Variants in HS2ST1 observed in about 807,000 individuals in gnomAD.
The protein encoded by HS2ST1 is 2-O-sulfotransferase.
A neutral mutation model predicts 42.9 loss-of-function variants in HS2ST1; 18 were observed. The observed-to-expected ratio is 0.42, with a 90% CI of 0.29 to 0.62. The LOEUF is 0.62. Among genes scored for constraint, HS2ST1 ranks in the 20% least tolerant of loss-of-function variants. The probability of loss-of-function intolerance (pLI) is 0.21; values close to 1 mark genes in which losing one functional copy is unlikely to be tolerated. For missense variants in HS2ST1, 334 were observed against 433.8 expected, an observed-to-expected ratio of 0.77 and a Z score of 2.04; for synonymous variants, 146 against 152.9, an observed-to-expected ratio of 0.95 and a Z score of 0.33.
At chr1:87,055,175 T>C (rs975122000) in intron 1 of HS2ST1, among the ~76,000 whole-genome samples, 5 of 152,136 alleles carry the variant, frequency 3.3e-5, no homozygotes, top group Admixed American at 1.3e-4. Flanking sequence ...AAGCTTGAAA[T>C]AAAGCCTTAT....
chr1:87,063,992 G>C (rs1199629738), intron 1 of HS2ST1, among the ~76,000 whole-genome samples: 2 of 152,148 alleles, frequency 1.3e-5, no homozygotes, highest in African/African-American at 4.8e-5. Context: ...TGAGATGAAA[G>C]TCCTGACCCT....
In HS2ST1 at chr1:87,097,786, T is replaced by C. The variant is rs188399987; in HGVS notation, c.589-52T>C. 255 of 1,603,594 alleles carry C rather than the reference T, an allele frequency of 1.6e-4. 3 individuals carry two copies. The African/African-American group carries it at 2.9e-3, about 18-fold the overall frequency. Reference sequence around the variant, plus strand: ...ATAATTTACCACATTAGATATTTGATAGGTGAGACTTGGATTTATGGCTTA... The same window carrying C: ...ATAATTTACCACATTAGATATTTGACAGGTGAGACTTGGATTTATGGCTTA... On this transcript the variant is annotated intron_variant, in intron 4 of 6. Transcript: ENST00000370550.
intron 1 of HS2ST1, among the ~76,000 whole-genome samples, chr1:86,969,472 A>T (rs1365094676): frequency 1.3e-5 from 2 of 152,174 alleles, no homozygotes; most frequent in African/African-American, 2.4e-5. Flanking sequence ...AATTCATTTC[A>T]GCGTGAAGGT....
At chr1:87,038,530 G>C (rs1167289682) in intron 1 of HS2ST1, among the ~76,000 whole-genome samples, 1 of 152,112 alleles carries the variant, frequency 6.6e-6, no homozygotes, top group Admixed American at 6.5e-5. Context: ...GTATGTAACA[G>C]AAGTTATTCT....
intron 1 of HS2ST1, among the ~76,000 whole-genome samples, chr1:87,022,252 G>C (rs1481616966): frequency 2.6e-5 from 4 of 152,110 alleles, no homozygotes; most frequent in Non-Finnish European, 4.4e-5. Context: ...TAATAAGGTA[G>C]CTTTCTTACC....
At chr1:87,068,895 G>A (rs1224841292) in intron 1 of HS2ST1, among the ~76,000 whole-genome samples, 1 of 151,846 alleles carries the variant, frequency 6.6e-6, no homozygotes, top group Non-Finnish European at 1.5e-5. Context: ...GTCTAGCTGG[G>A]TTGCCCAGGC....
chr1:87,041,620 A>G (rs975560486), intron 1 of HS2ST1, among the ~76,000 whole-genome samples: 3 of 152,150 alleles, frequency 2.0e-5, no homozygotes, highest in African/African-American at 7.2e-5. Context: ...CCTGGCAACC[A>G]TCATTCTACT....
At chr1:87,003,081 A>G (rs113426213) in intron 1 of HS2ST1, among the ~76,000 whole-genome samples, 4 of 152,370 alleles carry the variant, frequency 2.6e-5, no homozygotes, top group African/African-American at 9.6e-5. Flanking sequence ...CCCAGTCCAG[A>G]CTAGAAGATG....
intron 1 of HS2ST1, among the ~76,000 whole-genome samples, chr1:86,969,716 A>T (rs1255853428): frequency 6.6e-6 from 1 of 151,498 alleles, no homozygotes; most frequent in Non-Finnish European, 1.5e-5. Flanking sequence ...AGTATAAAAT[A>T]ATTTAAATAT....
chr1:87,108,931 A>G lies in HS2ST1; in HGVS notation c.*4235A>G, dbSNP rs1008021056. 6.6e-6 allele frequency: 1 copy of G among 152,522 alleles called. No individual in the cohort carries two copies. Among genetic ancestry groups the G allele is most frequent in the African/African-American group, 2.4e-5 (1 of 41,444 alleles). 9.4% of individuals were successfully genotyped at this position (152,522 alleles called of 1,614,324 possible). ...TTATTTTATAAATACACAGCTCAAC[A>G]GTGCCTTTTTTTTCCCTCATAGTCC... On this transcript the variant is annotated 3_prime_UTR_variant, in exon 7 of 7. Coordinates refer to ENST00000370550, the MANE Select transcript of HS2ST1 (RefSeq NM_012262.4).
At position 87,108,207 on chromosome 1, in the gene HS2ST1, A is replaced by G. The variant is rs955455229; in HGVS notation, c.*3511A>G. On this transcript the variant is annotated 3_prime_UTR_variant, in exon 7 of 7. Transcript: ENST00000370550. ...CAAATAATTCTAAAAGTGCTAGAGA[A>G]TTTAACTAAAAGCTGGTTCCCAAAT... The G allele has an allele frequency of 1.3e-5, 2 of 152,098 alleles. No individual in the cohort carries two copies. The highest frequency in any genetic ancestry group is 4.8e-5 in the African/African-American group (2 of 41,448). 9.4% of individuals were successfully genotyped at this position (152,098 alleles called of 1,614,324 possible). A position where few individuals can be genotyped will look rare whatever the true frequency, so the allele number is the denominator to read the frequency against.
intron 1 of HS2ST1, among the ~76,000 whole-genome samples, chr1:87,015,822 T>C (rs1191358194): frequency 1.3e-5 from 2 of 152,094 alleles, no homozygotes; most frequent in Non-Finnish European, 2.9e-5. Context: ...TCTTTTTTTT[T>C]ATTTTTATTT....
chr1:86,987,622 C>G (rs1648829177), intron 1 of HS2ST1, among the ~76,000 whole-genome samples: 1 of 152,210 alleles, frequency 6.6e-6, no homozygotes, highest in Admixed American at 6.5e-5. Flanking sequence ...TATCTTGCCT[C>G]TTCCTTGACC....
intron 1 of HS2ST1, among the ~76,000 whole-genome samples, chr1:87,009,024 T>G (rs1384245331): frequency 6.6e-6 from 1 of 152,046 alleles, no homozygotes; most frequent in East Asian, 1.9e-4. Flanking sequence ...TTGTAGTTTC[T>G]CTAGAGATGA....
intron 3 of HS2ST1, among the ~76,000 whole-genome samples, chr1:87,085,655 T>C (rs1166006257): frequency 1.3e-5 from 2 of 152,234 alleles, no homozygotes; most frequent in Non-Finnish European, 1.5e-5. Context: ...TTCATAAGCT[T>C]CGTTCATGTG....
intron 1 of HS2ST1, among the ~76,000 whole-genome samples, chr1:86,981,976 A>C (rs1230255416): frequency 2.0e-5 from 3 of 152,202 alleles, no homozygotes; most frequent in Non-Finnish European, 4.4e-5. Context: ...CTGGCCATCC[A>C]AGTGTTTCCA....
At chr1:87,101,063 C>T (rs1652184868) in intron 5 of HS2ST1, among the ~76,000 whole-genome samples, 1 of 151,040 alleles carries the variant, frequency 6.6e-6, no homozygotes, top group Admixed American at 6.6e-5. Flanking sequence ...CTCTTAGACA[C>T]AGCCAGGCCA....
intron 1 of HS2ST1, among the ~76,000 whole-genome samples, chr1:87,032,789 TA>T (rs910577475): frequency 2.6e-5 from 4 of 152,144 alleles, no homozygotes; most frequent in African/African-American, 9.6e-5. Flanking sequence ...ATTGTTGGCC[TA>T]AAAAAACTAT....
At chr1:87,033,376 G>A (rs1189277932) in intron 1 of HS2ST1, among the ~76,000 whole-genome samples, 1 of 152,150 alleles carries the variant, frequency 6.6e-6, no homozygotes, top group Admixed American at 6.5e-5. Flanking sequence ...AAGAAATACG[G>A]AATTTCTGTT....
Sources: gnomAD v4.1 joint callset for allele counts (sites outside exome capture counted in the v4.1 genomes callset) on GRCh38, gnomAD v4.1.1 for gene constraint, MANE v1.5 for transcripts, NCBI Gene and HGNC (gene_info 2026-07-23, HGNC 2026-07-21) for gene names.